The following AGPAT3 variants were observed in gnomAD, a reference collection of about 807,000 sequenced individuals.
The protein encoded by AGPAT3 is 1-acylglycerol-3-phosphate O-acyltransferase 3.
Under a neutral mutation model 47.3 loss-of-function variants are expected in AGPAT3, and 5 were observed. The observed-to-expected ratio is 0.11, with a 90% confidence interval of 0.06 to 0.22. The LOEUF is 0.22. Ranked by LOEUF, AGPAT3 falls within the 10% of genes least tolerant of loss-of-function variation. The pLI is 1.00. For missense variants in AGPAT3, 315 were observed against 493.0 expected (o/e 0.64, Z 3.42); for synonymous variants, 212 against 208.3 (o/e 1.02, Z -0.15).
At chr21:43,910,779 T>C (rs1237146605) in intron 2 of AGPAT3, among the ~76,000 whole-genome samples, 1 of 152,218 alleles carries the variant, frequency 6.6e-6, no homozygotes, top group Non-Finnish European at 1.5e-5. Context: ...TCAGGTATTC[T>C]GCAAGGGAAG....
intron 7 of AGPAT3, among the ~76,000 whole-genome samples, chr21:43,975,985 C>CTT (rs112906148): frequency 0.25 from 35,483 of 140,348 alleles, 4,323 homozygotes; most frequent in Admixed American, 0.32. Flanking sequence ...TTTTCTTTTC[C>CTT]TTTTTTTTTT....
At position 43,928,298 on chromosome 21, in the gene AGPAT3, A is replaced by C. The variant is rs3788079; in HGVS notation, c.-49+24279A>C. Reference sequence around the variant, plus strand: ...GAGTTCGACACGGCCACTGTTTTGAAAATGCCTGCTCAGAAACGCTGACAC... The same window carrying C: ...GAGTTCGACACGGCCACTGTTTTGACAATGCCTGCTCAGAAACGCTGACAC... On this transcript the variant is annotated intron_variant, in intron 2 of 9. Transcript: ENST00000291572. Among the ~76,000 whole-genome samples the C allele has an allele frequency of 3.9e-3, 593 of 152,320 alleles. 11 individuals are homozygous for C. In the East Asian group the frequency reaches 0.057, roughly 15 times the overall value.
At chr21:43,968,180 C>G (rs1289629480) in intron 4 of AGPAT3, 65 bp downstream of exon 4, 6 of 807,684 alleles carry the variant, frequency 7.4e-6, no homozygotes, top group East Asian at 9.2e-5. Context: ...CGGGGGTGAG[C>G]GGGGACCCAG....
chr21:43,879,418 C>T (rs182984123), intron 1 of AGPAT3, among the ~76,000 whole-genome samples: 8 of 150,718 alleles, frequency 5.3e-5, no homozygotes, highest in Admixed American at 4.7e-4. Context: ...CTGTGAATAC[C>T]GTATAAAGCA....
At position 43,981,283 on chromosome 21, in the gene AGPAT3, G is replaced by A; in HGVS notation, c.1042+96G>A. 7.4e-7 allele frequency: 1 copy of A among 1,359,388 alleles called. No individual in the cohort carries two copies. The highest frequency in any genetic ancestry group is 1.2e-5 in the South Asian group (1 of 83,314). 84.2% of individuals were successfully genotyped at this position (1,359,388 alleles called of 1,614,324 possible). ...TGGTGACTCATCACAGTGGCTGTGG[G>A]AGGCAGGGGCCTGGCTGTTATGGAC... is the stretch of plus-strand genomic sequence containing the variant. On this transcript the variant is annotated intron_variant, in intron 9 of 9. Coordinates refer to ENST00000291572, the MANE Select transcript of AGPAT3 (RefSeq NM_020132.5). This position sits in a 1 kb window ranked among gnomAD's most constrained non-coding sequence, Gnocchi z 5.3.
At chr21:43,935,343 C>T (rs1197584547) in intron 2 of AGPAT3, among the ~76,000 whole-genome samples, 1 of 152,250 alleles carries the variant, frequency 6.6e-6, no homozygotes, top group Non-Finnish European at 1.5e-5. Context: ...GCACCCAGAT[C>T]CCGCCTCTCT....
Position 43,978,039 on chromosome 21 carries a change from A to G in AGPAT3, c.768-7A>G. ...TCACCCTACCTTGAATCTTCTTCAT[A>G]AAACAGGAGATTTCCTCTGGAAGAC... On this transcript the variant is annotated splice_polypyrimidine_tract_variant and splice_region_variant and intron_variant, in intron 7 of 9. Transcript: ENST00000291572. 4 of 1,610,990 alleles carry G rather than the reference A, an allele frequency of 2.5e-6. No individual in the cohort carries two copies. The highest frequency in any genetic ancestry group is 2.5e-6 in the Non-Finnish European group (3 of 1,178,174).
chr21:43,952,150 C>T lies in AGPAT3; in HGVS notation c.-48-7484C>T, dbSNP rs746941370. Among the ~76,000 whole-genome samples the T allele has an allele frequency of 9.2e-5, 14 of 152,192 alleles. No homozygotes were observed. The highest frequency in any genetic ancestry group is 3.4e-3 in the Middle Eastern group (1 of 294). On this transcript the variant is annotated intron_variant, in intron 2 of 9. Coordinates refer to ENST00000291572, the MANE Select transcript of AGPAT3 (RefSeq NM_020132.5). The surrounding 1 kb of genome is among the most constrained non-coding windows in gnomAD (Gnocchi z 5.6). ...CTGTGAGTGCGATTGGGCTGTGTGA[C>T]GGCACCAGAGGCGGGGCTGCAGCTG...
chr21:43,924,734 G>A (rs1255828761), intron 2 of AGPAT3, among the ~76,000 whole-genome samples: 1 of 152,210 alleles, frequency 6.6e-6, no homozygotes, highest in Admixed American at 6.5e-5. Context: ...AGGTCGAGAA[G>A]GGCACGCCTG....
At chr21:43,942,556 C>T (rs1355507173) in intron 2 of AGPAT3, among the ~76,000 whole-genome samples, 4 of 152,220 alleles carry the variant, frequency 2.6e-5, no homozygotes, top group Admixed American at 2.0e-4. Context: ...ACTCTCTGAG[C>T]GTGGGGTTCT....
chr21:43,919,306 C>T (rs2086836340), intron 2 of AGPAT3, among the ~76,000 whole-genome samples: 1 of 152,108 alleles, frequency 6.6e-6, no homozygotes, highest in African/African-American at 2.4e-5. Flanking sequence ...GTCTCTATCC[C>T]TCACCCCCTT....
In AGPAT3 at chr21:43,945,932, G is replaced by C. The variant is rs149780200; in HGVS notation, c.-48-13702G>C. 2.6e-3 allele frequency among the ~76,000 whole-genome samples: 399 copies of C among 152,298 alleles called. 2 individuals carry two copies. Among genetic ancestry groups the C allele is most frequent in the Non-Finnish European group, 4.5e-3 (306 of 68,014 alleles). ...GTGGGCACCTGGTGGGGGCTGGACAGGGGTCACGAGGAGAAGCCAGCAGGA... is the reference window on the plus strand; with the variant it reads ...GTGGGCACCTGGTGGGGGCTGGACACGGGTCACGAGGAGAAGCCAGCAGGA... On this transcript the variant is annotated intron_variant, in intron 2 of 9. Transcript: ENST00000291572.
chr21:43,940,998 C>T (rs2087635326), intron 2 of AGPAT3, among the ~76,000 whole-genome samples: 1 of 152,234 alleles, frequency 6.6e-6, no homozygotes. Flanking sequence ...AAACGGGACA[C>T]TGATGCCGCC....
At chr21:43,961,208 C>G (rs1230472826) in intron 3 of AGPAT3, among the ~76,000 whole-genome samples, 3 of 151,810 alleles carry the variant, frequency 2.0e-5, no homozygotes, top group African/African-American at 7.3e-5. Flanking sequence ...ATGCTGATAT[C>G]CAGGGAGTGG....
At chr21:43,947,497 T>C (rs2087951153) in intron 2 of AGPAT3, among the ~76,000 whole-genome samples, 1 of 152,162 alleles carries the variant, frequency 6.6e-6, no homozygotes, top group South Asian at 2.1e-4. Context: ...CGCAGTCTCC[T>C]CTTCACTGAG....
In AGPAT3 at chr21:43,973,187, G is replaced by A. The variant is rs1385658704; in HGVS notation, c.767+1697G>A. Among the ~76,000 whole-genome samples the A allele has an allele frequency of 3.9e-5, 6 of 152,224 alleles. No homozygotes were observed. The South Asian group carries it at 1.0e-3, about 26-fold the overall frequency. On this transcript the variant is annotated intron_variant, in intron 7 of 9. Transcript: ENST00000291572. ...GGCGGAGGCGTTCTTCTCCCGACCC[G>A]GGGTCAGTGGGGCCACGAGCTGAGA...
In AGPAT3 at chr21:43,950,523, G is replaced by C. The variant is rs143122427; in HGVS notation, c.-48-9111G>C. Among the ~76,000 whole-genome samples the C allele has an allele frequency of 3.9e-3, 599 of 152,350 alleles. 5 individuals are homozygous for C. Among genetic ancestry groups the C allele is most frequent in the African/African-American group, 0.013 (559 of 41,578 alleles). ...TTGAATGCTTAGTAGTATCTTCGCTGCTTACCAGACTTCTCAGATAATGTG... is the reference window on the plus strand; with the variant it reads ...TTGAATGCTTAGTAGTATCTTCGCTCCTTACCAGACTTCTCAGATAATGTG... On this transcript the variant is annotated intron_variant, in intron 2 of 9. Coordinates refer to ENST00000291572, the MANE Select transcript of AGPAT3 (RefSeq NM_020132.5).
chr21:43,957,617 G>T (rs1446558094), intron 2 of AGPAT3, among the ~76,000 whole-genome samples: 3 of 149,348 alleles, frequency 2.0e-5, no homozygotes, highest in African/African-American at 7.4e-5. Context: ...GGGGGTCTCG[G>T]GTTTCCCCCT....
chr21:43,980,297 A>C (rs948463106), intron 8 of AGPAT3, among the ~76,000 whole-genome samples: 1 of 151,528 alleles, frequency 6.6e-6, no homozygotes, highest in African/African-American at 2.4e-5. Flanking sequence ...AAAAACAAAA[A>C]AAAACGAGAG....
Sources: gnomAD v4.1 joint callset for allele counts (sites outside exome capture counted in the v4.1 genomes callset) on GRCh38, gnomAD v4.1.1 for gene constraint, Gnocchi (gnomAD v3.1) non-coding constraint, MANE v1.5 for transcripts, NCBI Gene and HGNC (gene_info 2026-07-23, HGNC 2026-07-21) for gene names.